Variants in VAC14 observed in about 807,000 individuals in gnomAD.
VAC14 encodes VAC14 component of PIKFYVE complex.
Under a neutral mutation model 85.3 loss-of-function variants are expected in VAC14, and 47 were observed. That is an observed-to-expected ratio of 0.55 (90% CI 0.44 to 0.70). The LOEUF is 0.70. VAC14 is among the 30% of genes least tolerant of loss of function. The probability of loss-of-function intolerance (pLI) is 0.00; values close to 1 mark genes in which losing one functional copy is unlikely to be tolerated. For missense variants in VAC14, 861 were observed against 1,004.3 expected (o/e 0.86, Z 1.93); for synonymous variants, 447 against 430.5 (o/e 1.04, Z -0.47).
intron 7 of VAC14, 34 bp from the exon 8 acceptor site, chr16:70,782,037 GC>G (rs2033838356): frequency 1.2e-6 from 2 of 1,606,294 alleles, no homozygotes; most frequent in Admixed American, 1.7e-5. Context: ...AGAGGGGCCA[GC>G]ACACGCAGCC....
intron 14 of VAC14, chr16:70,731,151 G>T: frequency 2.2e-6 from 1 of 448,208 alleles, no homozygotes; most frequent in Non-Finnish European, 3.1e-6. Context: ...CTGGAGCACA[G>T]CCCCATGTCC....
intron 12 of VAC14, among the ~76,000 whole-genome samples, chr16:70,749,182 C>A (rs1212172394): frequency 6.6e-6 from 1 of 152,200 alleles, no homozygotes; most frequent in Non-Finnish European, 1.5e-5. Context: ...CACAGCTGAG[C>A]TGTTCCCTGG....
rs372860764 is a variant in VAC14 at position 70,753,011 on chromosome 16, GGTGTGTGT to G, written c.1372-8440_1372-8433del. On this transcript the variant is annotated intron_variant, in intron 12 of 18. Transcript: ENST00000261776. ...CCAGCCTTGATGTGCAGGAGGAGGG[GGTGTGTGT>G]GTGTGTGTGTGTGTGTGTGTGTGTG... 1.2e-4 allele frequency among the ~76,000 whole-genome samples: 17 copies of G among 142,982 alleles called. 1 individual carries two copies. Among genetic ancestry groups the G allele is most frequent in the African/African-American group, 3.7e-4 (14 of 38,144 alleles). 93.8% of individuals were successfully genotyped at this position (142,982 alleles called of 152,430 possible). A position where few individuals can be genotyped will look rare whatever the true frequency, so the allele number is the denominator to read the frequency against.
At chr16:70,768,819 G>A (rs900807784) in intron 10 of VAC14, 3 of 453,878 alleles carry the variant, frequency 6.6e-6, no homozygotes, top group Non-Finnish European at 1.3e-5. Flanking sequence ...TGGTGTGTGT[G>A]TGACAGAGTC....
Position 70,762,519 on chromosome 16 carries a change from C to A in VAC14, c.1371+21G>T. 1 of 1,612,828 alleles carries A rather than the reference C, an allele frequency of 6.2e-7. No individual in the cohort carries two copies. Among genetic ancestry groups the A allele is most frequent in the African/African-American group, 1.3e-5 (1 of 75,034 alleles). ...CAGGGCAGCCGATGTTCCATAAGTA[C>A]GGGTGGCGTTGGTGACCTACCTCAT... is the stretch of plus-strand genomic sequence containing the variant. On this transcript the variant is annotated intron_variant, in intron 12 of 18. Transcript: ENST00000261776. The surrounding 1 kb of genome is among the most constrained non-coding windows in gnomAD (Gnocchi z 4.1).
At chr16:70,731,770 C>A in intron 13 of VAC14, 143 bp from the exon 14 acceptor site, 1 of 947,674 alleles carries the variant, frequency 1.1e-6, no homozygotes, top group Non-Finnish European at 1.5e-6. Flanking sequence ...AATCTCTAAT[C>A]AAGAGCCATG....
At chr16:70,696,241 G>A (rs912856027) in intron 16 of VAC14, among the ~76,000 whole-genome samples, 3 of 152,160 alleles carry the variant, frequency 2.0e-5, no homozygotes, top group Non-Finnish European at 4.4e-5. Context: ...GGCCAGGCGC[G>A]GTGGCTCACA....
At chr16:70,792,339 A>C (rs1353550179) in intron 1 of VAC14, among the ~76,000 whole-genome samples, 1 of 152,190 alleles carries the variant, frequency 6.6e-6, no homozygotes, top group African/African-American at 2.4e-5. Context: ...AGGCTGAACT[A>C]GTTTTGAAGT....
chr16:70,711,365 C>T (rs530991458), intron 14 of VAC14, among the ~76,000 whole-genome samples: 10 of 152,280 alleles, frequency 6.6e-5, no homozygotes, highest in South Asian at 2.1e-4. Flanking sequence ...GGGCCTGGCT[C>T]GGCCTTGGAG....
chr16:70,761,281 C>T (rs959320929), intron 12 of VAC14: 4 of 352,914 alleles, frequency 1.1e-5, no homozygotes, highest in African/African-American at 2.2e-5. Flanking sequence ...CCTCTCCCAT[C>T]CCCCCCACCC....
intron 1 of VAC14, among the ~76,000 whole-genome samples, chr16:70,788,536 T>C (rs1380473298): frequency 2.6e-5 from 4 of 152,172 alleles, no homozygotes. Flanking sequence ...CAAAACAGCG[T>C]ACTAAGGCCT....
In VAC14 at chr16:70,695,539, C is replaced by A. The variant is rs2053688310; in HGVS notation, c.2035+5G>T. 1 of 1,613,842 alleles carries A rather than the reference C, an allele frequency of 6.2e-7. No individual in the cohort carries two copies. Among genetic ancestry groups the A allele is most frequent in the South Asian group, 1.1e-5 (1 of 91,056 alleles). On this transcript the variant is annotated splice_donor_5th_base_variant and intron_variant, in intron 17 of 18. Transcript: ENST00000261776. ...GCGCGAGGTGTGGTGGGAGGTGGTT[C>A]TTACATGTGAAGATGGGGCACTCAA... is the stretch of plus-strand genomic sequence containing the variant.
intron 18 of VAC14, chr16:70,691,195 A>C: frequency 2.0e-6 from 2 of 985,508 alleles, no homozygotes; most frequent in Non-Finnish European, 2.4e-6. Flanking sequence ...GACTGCTCTG[A>C]GCCTCTGCTC....
chr16:70,800,984 C>G lies in VAC14; in HGVS notation c.-84G>C, dbSNP rs913363121. The G allele has an allele frequency of 8.4e-6, 8 of 950,000 alleles. No homozygotes were observed. Among genetic ancestry groups the G allele is most frequent in the Non-Finnish European group, 1.2e-5 (8 of 679,644 alleles). 58.8% of individuals were successfully genotyped at this position (950,000 alleles called of 1,614,324 possible). A position where few individuals can be genotyped will look rare whatever the true frequency, so the allele number is the denominator to read the frequency against. On this transcript the variant is annotated 5_prime_UTR_variant, in exon 1 of 19. Transcript: ENST00000261776. ...GGCCAGGGGAGTCTGCGGCTCCGCTCTGCCCCCGGCGCCGGCGCATGGACC... is the reference window on the plus strand; with the variant it reads ...GGCCAGGGGAGTCTGCGGCTCCGCTGTGCCCCCGGCGCCGGCGCATGGACC...
At chr16:70,692,674 G>C (rs1210326832) in intron 18 of VAC14, 147 bp downstream of exon 18, 3 of 1,087,498 alleles carry the variant, frequency 2.8e-6, no homozygotes, top group Non-Finnish European at 3.9e-6. Context: ...GTGGCTGCGG[G>C]GGGGATGGTG....
intron 10 of VAC14, chr16:70,770,159 T>G: frequency 6.6e-6 from 1 of 152,256 alleles, no homozygotes; most frequent in Non-Finnish European, 1.5e-5. Flanking sequence ...CAAATGACAC[T>G]AGGATAGCGG....
chr16:70,706,788 G>A (rs2053928346), intron 14 of VAC14, among the ~76,000 whole-genome samples: 1 of 152,180 alleles, frequency 6.6e-6, no homozygotes, highest in South Asian at 2.1e-4. Context: ...CACCACGCCT[G>A]GATAGCCCTT....
intron 14 of VAC14, among the ~76,000 whole-genome samples, chr16:70,724,624 C>A (rs1330135629): frequency 1.2e-4 from 19 of 152,156 alleles, no homozygotes. Flanking sequence ...AGCCGGGAGC[C>A]GGTTGTGTAA....
At chr16:70,774,918 T>G (rs1466831179) in intron 9 of VAC14, among the ~76,000 whole-genome samples, 1 of 151,992 alleles carries the variant, frequency 6.6e-6, no homozygotes, top group East Asian at 1.9e-4. Context: ...GCTAATTTTT[T>G]TTTTTGTATT....
Sources: allele counts gnomAD v4.1 joint callset (sites outside exome capture counted in the v4.1 genomes callset), GRCh38; gene constraint gnomAD v4.1.1; non-coding constraint Gnocchi (gnomAD v3.1); transcripts MANE v1.5; gene names NCBI Gene and HGNC (gene_info 2026-07-23, HGNC 2026-07-21).